The following THSD7A variants were observed in gnomAD, a reference collection of about 807,000 sequenced individuals.
THSD7A encodes thrombospondin type-1 domain-containing protein 7A.
Under a neutral mutation model 231.3 loss-of-function variants are expected in THSD7A, and 96 were observed. The ratio of observed to expected loss-of-function variants is 0.41; its 90% CI spans 0.35 to 0.49. THSD7A has a LOEUF of 0.49. THSD7A is among the 20% of genes least tolerant of loss of function. The probability of loss-of-function intolerance (pLI) is 0.05; values close to 1 mark genes in which losing one functional copy is unlikely to be tolerated. For synonymous variants in THSD7A, 940 were observed against 743.3 expected (o/e 1.26, Z -4.30); for missense variants, 2,290 against 2,070.2 (o/e 1.11, Z -2.06).
At position 11,543,004 on chromosome 7, in the gene THSD7A, G is replaced by A. The variant is rs528171905; in HGVS notation, c.1567C>T (p.Pro523Ser). Residue 523 changes from proline (P) to serine (S), a missense_variant, in exon 5 of 28, where the codon CCT (proline) becomes TCT (serine). Coordinates refer to ENST00000423059, the MANE Select transcript of THSD7A (RefSeq NM_015204.3). ...TCATTACAGTTTTCATAAGTACAAGGTCCCCAAGCTGACCAAGGTGAAACT... is the reference window on the plus strand; with the variant it reads ...TCATTACAGTTTTCATAAGTACAAGATCCCCAAGCTGACCAAGGTGAAACT... ...CEVSPWSAWG[P>S]CTYENCNDQQ... The A allele has an allele frequency of 1.2e-6, 2 of 1,613,780 alleles. No homozygotes were observed. The highest frequency in any genetic ancestry group is 8.5e-7 in the Non-Finnish European group (1 of 1,179,810).
At chr7:11,574,817 A>G (rs1790817019) in intron 4 of THSD7A, among the ~76,000 whole-genome samples, 1 of 152,158 alleles carries the variant, frequency 6.6e-6, no homozygotes, top group African/African-American at 2.4e-5. Context: ...TAGCTATAAG[A>G]CTGAATCACT....
At chr7:11,710,660 A>G (rs1259973955) in intron 1 of THSD7A, among the ~76,000 whole-genome samples, 1 of 150,850 alleles carries the variant, frequency 6.6e-6, no homozygotes, top group Non-Finnish European at 1.5e-5. Context: ...AGCATGATTG[A>G]TTGAAGTTTG....
intron 6 of THSD7A, among the ~76,000 whole-genome samples, chr7:11,501,309 A>G (rs1787328676): frequency 6.6e-6 from 1 of 152,204 alleles, no homozygotes; most frequent in Non-Finnish European, 1.5e-5. Context: ...ATCTCCACCC[A>G]AAAGCAACAG....
rs371535988 is a variant in THSD7A, at chr7:11,601,011, T to C, written c.1023-7509A>G. ...CAGTGTCATGTATTGATGCTAACCA[T>C]GAAGCAAGACTTTCTCTTTGATGAG... On this transcript the variant is annotated intron_variant, in intron 2 of 27. Transcript: ENST00000423059. Among the ~76,000 whole-genome samples the C allele has an allele frequency of 3.3e-5, 5 of 152,292 alleles. 1 individual carries two copies. Among genetic ancestry groups the C allele is most frequent in the African/African-American group, 9.6e-5 (4 of 41,568 alleles).
At chr7:11,515,418 T>C (rs1000824209) in intron 6 of THSD7A, among the ~76,000 whole-genome samples, 1 of 152,154 alleles carries the variant, frequency 6.6e-6, no homozygotes, top group Non-Finnish European at 1.5e-5. Flanking sequence ...ACAGCAAACC[T>C]ACCTTTTGGC....
chr7:11,551,745 T>A (rs909882591), intron 4 of THSD7A, among the ~76,000 whole-genome samples: 2 of 152,072 alleles, frequency 1.3e-5, no homozygotes, highest in Non-Finnish European at 2.9e-5. Flanking sequence ...ACACTGCCAG[T>A]GGGAATGTAA....
At chr7:11,820,471 G>A in intron 1 of THSD7A, 2 of 1,150,052 alleles carry the variant, frequency 1.7e-6, no homozygotes, top group Non-Finnish European at 2.4e-6. Context: ...CTGACCCGGA[G>A]GTCATCATGC....
rs1248348018 is a variant in THSD7A, at chr7:11,391,479, GCTGTGCTGGCAGCGAGA to G, written c.4412-8880_4412-8864del. 8.9e-4 allele frequency among the ~76,000 whole-genome samples: 136 copies of G among 152,306 alleles called. 2 individuals carry two copies. The highest frequency in any genetic ancestry group is 3.0e-3 in the African/African-American group (124 of 41,576). ...GAGCATCTCAGGTCAACCTCAGACT[GCTGTGCTGGCAGCGAGA>G]ATTTCAAGCCAGTGGATCTTAGCTT... On this transcript the variant is annotated intron_variant, in intron 23 of 27. Coordinates refer to ENST00000423059, the MANE Select transcript of THSD7A (RefSeq NM_015204.3).
At chr7:11,664,883 G>C (rs895322832) in intron 1 of THSD7A, among the ~76,000 whole-genome samples, 3 of 151,882 alleles carry the variant, frequency 2.0e-5, no homozygotes, top group African/African-American at 7.2e-5. Context: ...CTCTTTCAAA[G>C]GTTGAATGGA....
chr7:11,693,580 A>T (rs1193618687), intron 1 of THSD7A, among the ~76,000 whole-genome samples: 2 of 151,518 alleles, frequency 1.3e-5, no homozygotes, highest in Non-Finnish European at 3.0e-5. Flanking sequence ...GTAAGTAGAC[A>T]CCATCATGTT....
intron 1 of THSD7A, among the ~76,000 whole-genome samples, chr7:11,703,875 C>T (rs1780681091): frequency 6.6e-6 from 1 of 151,126 alleles, no homozygotes; most frequent in African/African-American, 2.4e-5. Context: ...CAGTTAAAGA[C>T]ATCCCCTCTA....
At chr7:11,588,494 A>G (rs1445512039) in intron 4 of THSD7A, among the ~76,000 whole-genome samples, 2 of 152,214 alleles carry the variant, frequency 1.3e-5, no homozygotes, top group Non-Finnish European at 2.9e-5. Context: ...CTCCATATCT[A>G]TTGACCTTTG....
chr7:11,406,731 GT>G lies in THSD7A; in HGVS notation c.4062+178del, dbSNP rs1027050831. On this transcript the variant is annotated intron_variant, in intron 21 of 27. Transcript: ENST00000423059. The surrounding 1 kb of genome is among the most constrained non-coding windows in gnomAD (Gnocchi z 4.7). ...TGATTTTAAAAATATAGGGCATGGA[GT>G]TTTTGTTATCAAAACTAATTAAATG... 7.2e-5 allele frequency among the ~76,000 whole-genome samples: 11 copies of G among 152,308 alleles called. No individual in the cohort carries two copies. The highest frequency in any genetic ancestry group is 7.2e-4 in the Admixed American group (11 of 15,302).
intron 1 of THSD7A, among the ~76,000 whole-genome samples, chr7:11,738,627 A>T (rs1232942072): frequency 2.0e-5 from 3 of 151,948 alleles, no homozygotes; most frequent in African/African-American, 7.2e-5. Flanking sequence ...AGGCAGAATA[A>T]TGTCTCCTCC....
chr7:11,578,148 G>T (rs12699249), intron 4 of THSD7A, among the ~76,000 whole-genome samples: 26,776 of 151,956 alleles, frequency 0.18, 2,416 homozygotes, highest in East Asian at 0.22. Flanking sequence ...TTTATTGCAT[G>T]CTAAGGATTT....
In THSD7A at chr7:11,469,979, A is replaced by G. The variant is rs376696704; in HGVS notation, c.2268T>C (p.Leu756=). The change falls in exon 9 of 28, where the codon CTT becomes CTC. Residue 756 remains leucine, a synonymous_variant. Coordinates refer to ENST00000423059, the MANE Select transcript of THSD7A (RefSeq NM_015204.3). ...GACAAGGCCTTACAGTTTCAGGTCG[A>G]AGGCTTTCAGGACATCTAGAAAGGC... ...QVGPKKCPES[L]RPETVRPCLL... 65 of 1,589,806 alleles carry G rather than the reference A, an allele frequency of 4.1e-5. No homozygotes were observed. Among genetic ancestry groups the G allele is most frequent in the Non-Finnish European group, 5.6e-5 (65 of 1,166,356 alleles).
intron 1 of THSD7A, among the ~76,000 whole-genome samples, chr7:11,708,187 G>C (rs553084776): frequency 8.0e-5 from 12 of 150,508 alleles, no homozygotes; most frequent in African/African-American, 2.9e-4. Context: ...GTAGAGAGAA[G>C]GTTTATATTT....
At chr7:11,434,171 A>G (rs550172721) in intron 13 of THSD7A, among the ~76,000 whole-genome samples, 1 of 152,032 alleles carries the variant, frequency 6.6e-6, no homozygotes, top group African/African-American at 2.4e-5. Context: ...AGAAAGAAAA[A>G]CATTTAGAAT....
chr7:11,821,218 A>G (rs1784863734), intron 1 of THSD7A: 1 of 1,191,946 alleles, frequency 8.4e-7, no homozygotes, highest in Non-Finnish European at 1.2e-6. Flanking sequence ...AATGGTCACT[A>G]TATGTTGGGC....
Sources: gnomAD v4.1 joint callset for allele counts (sites outside exome capture counted in the v4.1 genomes callset) on GRCh38, gnomAD v4.1.1 for gene constraint, Gnocchi (gnomAD v3.1) non-coding constraint, MANE v1.5 for transcripts, NCBI Gene and HGNC (gene_info 2026-07-23, HGNC 2026-07-21) for gene names.